Variants in DYM observed in about 807,000 individuals in gnomAD.
DYM encodes the protein dymeclin.
A neutral mutation model predicts 93.1 loss-of-function variants in DYM; 78 were observed. The observed-to-expected ratio is 0.84, with a 90% CI of 0.70 to 1.01. DYM has a LOEUF of 1.01. Ranked by LOEUF, DYM falls within the 50% of genes least tolerant of loss-of-function variation. DYM has a pLI of 0.00. For missense variants in DYM, 789 were observed against 845.0 expected, an observed-to-expected ratio of 0.93 and a Z score of 0.82; for synonymous variants, 321 against 319.7, an observed-to-expected ratio of 1.00 and a Z score of -0.04.
intron 14 of DYM, among the ~76,000 whole-genome samples, chr18:49,202,955 G>A (rs1327102622): frequency 2.4e-5 from 3 of 126,844 alleles, no homozygotes; most frequent in African/African-American, 8.8e-5. Context: ...AGGGAGGTGA[G>A]GGGTCAGCCC....
intron 2 of DYM, among the ~76,000 whole-genome samples, chr18:49,426,368 G>A (rs543943531): frequency 7.3e-6 from 1 of 137,514 alleles, no homozygotes; most frequent in Non-Finnish European, 1.5e-5. Context: ...GACACAGGGT[G>A]GGGAACATCA....
At chr18:49,456,300 C>A (rs2082979633) in intron 1 of DYM, among the ~76,000 whole-genome samples, 2 of 152,280 alleles carry the variant, frequency 1.3e-5, no homozygotes, top group African/African-American at 4.8e-5. Context: ...ACAAACTAGT[C>A]ATATGTTTAA....
In DYM at chr18:49,425,076, G is replaced by T. The variant is rs148503331; in HGVS notation, c.140+5179C>A. Among the ~76,000 whole-genome samples, 256 of 151,996 alleles carry T rather than the reference G, an allele frequency of 1.7e-3. 2 individuals carry two copies. The East Asian group carries it at 0.024, about 14-fold the overall frequency. On this transcript the variant is annotated intron_variant, in intron 2 of 17. Transcript: ENST00000675505. Reference sequence around the variant, plus strand: ...TTCATGTAGAATCAAAAAAGAGCCCGCATTGCCAAGTCAATCCTAAGGCAA... The same window carrying T: ...TTCATGTAGAATCAAAAAAGAGCCCTCATTGCCAAGTCAATCCTAAGGCAA...
intron 2 of DYM, among the ~76,000 whole-genome samples, chr18:49,401,636 T>A (rs74791490): frequency 0.092 from 13,907 of 151,434 alleles, 846 homozygotes; most frequent in East Asian, 0.31. Context: ...TCTCTCTCTC[T>A]CACACACACG....
intron 16 of DYM, among the ~76,000 whole-genome samples, chr18:49,114,194 A>G (rs1019683840): frequency 6.6e-6 from 1 of 152,238 alleles, no homozygotes; most frequent in African/African-American, 2.4e-5. Flanking sequence ...TCTTATCTGT[A>G]AAGTGGGATA....
chr18:49,443,289 C>A (rs1308838603), intron 1 of DYM, among the ~76,000 whole-genome samples: 2 of 152,160 alleles, frequency 1.3e-5, no homozygotes, highest in East Asian at 3.9e-4. Context: ...TGGTCTATAG[C>A]TGTTTTCCTG....
In DYM at chr18:49,199,989, GA is replaced by G. The variant is rs1013659501; in HGVS notation, c.1625+9561del. Among the ~76,000 whole-genome samples the G allele has an allele frequency of 1.5e-4, 23 of 148,408 alleles. No homozygotes were observed. The East Asian group carries it at 2.8e-3, about 18-fold the overall frequency. ...TAAATCCATTCAGTTAAAAAGAAAA[GA>G]AAAAAAAAGAAGAAAAAAAGCAAAT... On this transcript the variant is annotated intron_variant, in intron 14 of 17. Coordinates refer to ENST00000675505, the MANE Select transcript of DYM (RefSeq NM_001353214.3).
chr18:49,226,634 G>A (rs901113313), intron 13 of DYM, among the ~76,000 whole-genome samples: 1 of 152,126 alleles, frequency 6.6e-6, no homozygotes, highest in African/African-American at 2.4e-5. Flanking sequence ...AGGGTGAAGG[G>A]AACTCTAATG....
intron 17 of DYM, among the ~76,000 whole-genome samples, chr18:49,075,663 T>G (rs1599551394): frequency 6.6e-6 from 1 of 152,172 alleles, no homozygotes; most frequent in South Asian, 2.1e-4. Flanking sequence ...GTGGGGGTAG[T>G]AGATAATGCC....
At chr18:49,268,609 G>GT (rs1159643580) in intron 11 of DYM, among the ~76,000 whole-genome samples, 11 of 152,064 alleles carry the variant, frequency 7.2e-5, no homozygotes, top group Admixed American at 2.0e-4. Context: ...TTGCTTCAAA[G>GT]TTTTTTGTGT....
intron 14 of DYM, among the ~76,000 whole-genome samples, chr18:49,190,537 T>C (rs528857820): frequency 6.6e-6 from 1 of 152,272 alleles, no homozygotes; most frequent in African/African-American, 2.4e-5. Flanking sequence ...ATTAATAGGG[T>C]CTTGAACTTC....
chr18:49,145,108 C>CATATATATATATATATATATATATATAT (rs56212722), intron 15 of DYM, among the ~76,000 whole-genome samples: 3 of 18,748 alleles, frequency 1.6e-4, no homozygotes, highest in Non-Finnish European at 3.1e-4. Context: ...CAAAAAAATT[C>CATATATATATATATATATATATATATAT]ATATATATAT....
At chr18:49,074,769 C>G (rs891115587) in intron 17 of DYM, among the ~76,000 whole-genome samples, 1 of 152,206 alleles carries the variant, frequency 6.6e-6, no homozygotes, top group Non-Finnish European at 1.5e-5. Flanking sequence ...AGAACCGTTA[C>G]TTGTAAATAT....
rs747528776 is a variant in DYM at position 49,258,460 on chromosome 18, C to T, written c.1285G>A (p.Val429Ile). The T allele has an allele frequency of 8.1e-6, 13 of 1,613,170 alleles. No homozygotes were observed. The highest frequency in any genetic ancestry group is 5.0e-5 in the Admixed American group (3 of 60,018). Residue 429 changes from valine (V) to isoleucine (I), a missense_variant, in exon 12 of 18, where the codon GTT becomes ATT. Around this residue, in one of 3 missense-constraint regions of DYM, gnomAD observed 225 missense variants for 303.0 expected, o/e 0.74. Transcript: ENST00000675505. ...LKNITWYSER[V>I]LTEISLGSLL... ...CTCCCCAAGGAGATTTCAGTTAAAACTCGTTCTGAATACCAAGTAATATTT... is the reference window on the plus strand; with the variant it reads ...CTCCCCAAGGAGATTTCAGTTAAAATTCGTTCTGAATACCAAGTAATATTT...
rs556506905 is a variant in DYM at position 49,279,464 on chromosome 18, G to A, written c.1125+2533C>T. 2.0e-5 allele frequency among the ~76,000 whole-genome samples: 3 copies of A among 152,208 alleles called. No homozygotes were observed. In the East Asian group the frequency reaches 5.8e-4, roughly 29 times the overall value. The stretch of plus-strand genomic sequence containing the variant: ...CTCAACATATTTATTATAGAAGAAA[G>A]GTAAAAGGACAGATGGAGCATAAAT... On this transcript the variant is annotated intron_variant, in intron 10 of 17. Transcript: ENST00000675505.
At chr18:49,080,366 G>A (rs2077789144) in intron 17 of DYM, among the ~76,000 whole-genome samples, 1 of 139,098 alleles carries the variant, frequency 7.2e-6, no homozygotes, top group East Asian at 2.2e-4. Context: ...CCCGGACGGG[G>A]TGGCTGGCCG....
intron 13 of DYM, among the ~76,000 whole-genome samples, chr18:49,223,744 C>T (rs570112060): frequency 1.8e-4 from 28 of 151,914 alleles, no homozygotes; most frequent in Middle Eastern, 6.8e-3. Context: ...CCAAGATCTG[C>T]AAGATGACTA....
At chr18:49,416,501 G>T (rs1044002073) in intron 2 of DYM, among the ~76,000 whole-genome samples, 1 of 152,048 alleles carries the variant, frequency 6.6e-6, no homozygotes, top group Admixed American at 6.6e-5. Flanking sequence ...TCTCAAATCT[G>T]GAACTCTAAG....
At chr18:49,265,057 A>G (rs2094548095) in intron 11 of DYM, among the ~76,000 whole-genome samples, 1 of 152,214 alleles carries the variant, frequency 6.6e-6, no homozygotes, top group Non-Finnish European at 1.5e-5. Context: ...ACTAGTCTCA[A>G]GCCTATGTGG....
Sources: allele counts gnomAD v4.1 joint callset (sites outside exome capture counted in the v4.1 genomes callset), GRCh38; gene constraint gnomAD v4.1.1; regional missense constraint gnomAD v4.1.1; transcripts MANE v1.5; gene names NCBI Gene and HGNC (gene_info 2026-07-23, HGNC 2026-07-21).